Variants in PACRG observed in about 807,000 individuals in gnomAD.
The protein encoded by PACRG is parkin coregulated.
In PACRG, 29 loss-of-function variants were observed where a neutral mutation model predicts 29.7. The observed-to-expected ratio is 0.98, with a 90% CI of 0.73 to 1.33. The LOEUF is 1.33. PACRG is among the 40% of genes most tolerant of loss of function. PACRG has a pLI of 0.00. For synonymous variants in PACRG, 116 were observed against 118.7 expected (o/e 0.98, Z 0.15); for missense variants, 279 against 316.2 (o/e 0.88, Z 0.89).
At chr6:163,251,683 A>G (rs1451100450) in intron 4 of PACRG, among the ~76,000 whole-genome samples, 1 of 152,208 alleles carries the variant, frequency 6.6e-6, no homozygotes, top group Non-Finnish European at 1.5e-5. Flanking sequence ...CCACAGGAGA[A>G]GTTAGGGCAC....
At chr6:162,885,486 A>G (rs1180203645) in intron 2 of PACRG, among the ~76,000 whole-genome samples, 2 of 150,490 alleles carry the variant, frequency 1.3e-5, no homozygotes, top group Non-Finnish European at 3.0e-5. Flanking sequence ...GGCCATGTTG[A>G]TCTCGAACTC....
intron 2 of PACRG, among the ~76,000 whole-genome samples, chr6:162,952,505 C>A (rs1206453849): frequency 6.6e-6 from 1 of 152,138 alleles, no homozygotes; most frequent in African/African-American, 2.4e-5. Context: ...GGTTCACGTC[C>A]AGCCTCAAGT....
chr6:163,079,826 T>A (rs897929318), intron 3 of PACRG, among the ~76,000 whole-genome samples: 1 of 151,534 alleles, frequency 6.6e-6, no homozygotes, highest in African/African-American at 2.4e-5. Flanking sequence ...CTGCTTCTAC[T>A]GTCTAAACCC....
At chr6:163,155,191 G>A (rs1485153943) in intron 4 of PACRG, among the ~76,000 whole-genome samples, 4 of 152,184 alleles carry the variant, frequency 2.6e-5, no homozygotes, top group Non-Finnish European at 5.9e-5. Context: ...TGCCCAAACA[G>A]GCATGAAAGA....
At chr6:162,889,088 G>T (rs35105243) in intron 2 of PACRG, among the ~76,000 whole-genome samples, 3 of 152,124 alleles carry the variant, frequency 2.0e-5, no homozygotes, top group African/African-American at 4.8e-5. Context: ...CACTATGAGA[G>T]GGAGAAAACT....
chr6:163,037,664 G>A (rs146517299), intron 2 of PACRG, among the ~76,000 whole-genome samples: 2,593 of 152,270 alleles, frequency 0.017, 35 homozygotes, highest in Non-Finnish European at 0.028. Flanking sequence ...CTATCCTCTC[G>A]CAACATACTC....
intron 2 of PACRG, among the ~76,000 whole-genome samples, chr6:162,891,305 G>T (rs1354933822): frequency 6.6e-6 from 1 of 152,188 alleles, no homozygotes; most frequent in Non-Finnish European, 1.5e-5. Flanking sequence ...TTGAGAAGGG[G>T]AAGTTGAGGC....
intron 4 of PACRG, among the ~76,000 whole-genome samples, chr6:163,286,061 T>A (rs887376262): frequency 1.3e-5 from 2 of 152,240 alleles, no homozygotes; most frequent in Admixed American, 6.5e-5. Flanking sequence ...GCATGATCTA[T>A]CTTTATGCAA....
chr6:163,235,600 G>C (rs1404002861), intron 4 of PACRG, among the ~76,000 whole-genome samples: 1 of 152,154 alleles, frequency 6.6e-6, no homozygotes, highest in Non-Finnish European at 1.5e-5. Context: ...CTATAGACTA[G>C]CAAGGAAATG....
chr6:163,209,853 T>C (rs911938981), intron 4 of PACRG, among the ~76,000 whole-genome samples: 2 of 152,184 alleles, frequency 1.3e-5, no homozygotes, highest in African/African-American at 4.8e-5. Context: ...ATTCTTTCTT[T>C]TAAAGAAAGA....
intron 1 of PACRG, among the ~76,000 whole-genome samples, chr6:162,785,013 C>T (rs756056964): frequency 3.9e-5 from 6 of 152,078 alleles, no homozygotes; most frequent in African/African-American, 9.7e-5. Context: ...AAGTTCTTAG[C>T]TACAAAGGCC....
chr6:163,099,267 G>A (rs1419370388), intron 4 of PACRG, among the ~76,000 whole-genome samples: 6 of 152,140 alleles, frequency 3.9e-5, no homozygotes, highest in Admixed American at 3.3e-4. Context: ...TGCTAGCTGG[G>A]AACTGGCACA....
intron 4 of PACRG, among the ~76,000 whole-genome samples, chr6:163,230,761 A>T (rs1042713735): frequency 1.3e-5 from 2 of 152,232 alleles, no homozygotes; most frequent in Admixed American, 1.3e-4. Context: ...TGTAATGCCG[A>T]ACTGCTGTAG....
At chr6:162,942,538 A>G (rs889776125) in intron 2 of PACRG, among the ~76,000 whole-genome samples, 40 of 152,300 alleles carry the variant, frequency 2.6e-4, no homozygotes, top group African/African-American at 9.4e-4. Flanking sequence ...TCAAAATATT[A>G]TAGTGTTTTT....
At chr6:162,788,637 G>A (rs2128323265) in intron 1 of PACRG, among the ~76,000 whole-genome samples, 1 of 152,314 alleles carries the variant, frequency 6.6e-6, no homozygotes, top group South Asian at 2.1e-4. Flanking sequence ...AGCAGTGTAT[G>A]AGAGTTCCTG....
At chr6:163,269,092 A>G (rs1360626949) in intron 4 of PACRG, among the ~76,000 whole-genome samples, 1 of 152,256 alleles carries the variant, frequency 6.6e-6, no homozygotes, top group Non-Finnish European at 1.5e-5. Context: ...AACTCCTCCA[A>G]GTAAACTTAG....
chr6:162,788,497 A>G (rs141558806), intron 1 of PACRG, among the ~76,000 whole-genome samples: 5 of 152,334 alleles, frequency 3.3e-5, no homozygotes, highest in African/African-American at 7.2e-5. Flanking sequence ...TCATGTGGAC[A>G]TAAGTTTTTA....
intron 4 of PACRG, among the ~76,000 whole-genome samples, chr6:163,305,382 G>T (rs75087778): frequency 6.6e-6 from 1 of 152,064 alleles, no homozygotes; most frequent in Non-Finnish European, 1.5e-5. Flanking sequence ...CTATTCCTGC[G>T]ATCCCACAGT....
chr6:162,903,567 A>C (rs777760485), intron 2 of PACRG, among the ~76,000 whole-genome samples: 5 of 152,120 alleles, frequency 3.3e-5, no homozygotes, highest in African/African-American at 7.2e-5. Context: ...AAACCATCAG[A>C]TCTCATGAGA....
Sources: allele counts gnomAD v4.1 joint callset (sites outside exome capture counted in the v4.1 genomes callset), GRCh38; gene constraint gnomAD v4.1.1; transcripts MANE v1.5; gene names NCBI Gene and HGNC (gene_info 2026-07-23, HGNC 2026-07-21).